FANCA: variants seen among roughly 807,000 people sequenced by gnomAD.
The protein encoded by FANCA is FA complementation group A, also known as Fanconi anemia group A protein.
Under a neutral mutation model 194.3 loss-of-function variants are expected in FANCA, and 236 were observed. The observed-to-expected ratio is 1.21, with a 90% CI of 1.09 to 1.35. The LOEUF is 1.35. FANCA is among the 40% of genes most tolerant of loss of function. The pLI is 0.00. For missense variants in FANCA, 2,628 were observed against 1,813.9 expected, an observed-to-expected ratio of 1.45 and a Z score of -8.15; for synonymous variants, 1,014 against 715.8, an observed-to-expected ratio of 1.42 and a Z score of -6.65.
intron 3 of FANCA, among the ~76,000 whole-genome samples, chr16:89,813,995 T>C (rs1344491714): frequency 3.3e-5 from 5 of 152,212 alleles, no homozygotes; most frequent in Non-Finnish European, 7.3e-5. Flanking sequence ...TGAAAATCTG[T>C]ATCATTTGCC....
intron 38 of FANCA, 116 bp downstream of exon 38, chr16:89,740,688 C>G (rs546411860): frequency 1.2e-6 from 1 of 824,342 alleles, no homozygotes; most frequent in Non-Finnish European, 2.0e-6. Context: ...CACACTTCCG[C>G]AAACACAAGG....
rs373147908 is a variant in FANCA, at chr16:89,770,206, G to A, written c.2276C>T (p.Pro759Leu). The change falls in exon 25 of 43, where the codon CCT (proline) becomes CTT (leucine). Residue 759 changes from proline to leucine, a missense_variant. Pro to Leu is a moderately conservative substitution (Grantham distance 98). Coordinates refer to ENST00000389301, the MANE Select transcript of FANCA (RefSeq NM_000135.4). ...CTGGCAGAGCCGGGTGAGCACTGCAGGGAGCACACGTCCACACATGGTCCT... is the reference window on the plus strand; with the variant it reads ...CTGGCAGAGCCGGGTGAGCACTGCAAGGAGCACACGTCCACACATGGTCCT... ...FVRTMCGRVL[P>L]AVLTRLCQLL... 22 of 1,594,102 alleles carry A rather than the reference G, an allele frequency of 1.4e-5. No individual in the cohort carries two copies. The African/African-American group carries it at 1.7e-4, about 13-fold the overall frequency.
chr16:89,790,324 G>A (rs531160282), intron 14 of FANCA, among the ~76,000 whole-genome samples: 5 of 152,056 alleles, frequency 3.3e-5, no homozygotes, highest in Non-Finnish European at 7.4e-5. Context: ...AACCCAGGAG[G>A]AGGAGGTTGC....
In FANCA at chr16:89,792,500, G is replaced by A; in HGVS notation, c.1054C>T (p.His352Tyr). ...MQREWSFART[H>Y]PLLTSLYRRL... Reference sequence around the variant, plus strand: ...CGGTACAGTGAGGTGAGCAGAGGGTGTGTCCGCGCAAAGCTCCACTCTCTC... The same window carrying A: ...CGGTACAGTGAGGTGAGCAGAGGGTATGTCCGCGCAAAGCTCCACTCTCTC... The change falls in exon 12 of 43, where the codon CAC becomes TAC. Residue 352 changes from histidine (H) to tyrosine (Y), a missense_variant. By Grantham distance (83) the His-to-Tyr change is moderately conservative. Transcript: ENST00000389301. 11 of 1,613,514 alleles carry A rather than the reference G, an allele frequency of 6.8e-6. No individual in the cohort carries two copies. Among genetic ancestry groups the A allele is most frequent in the Non-Finnish European group, 9.3e-6 (11 of 1,180,020 alleles).
Position 89,779,884 on chromosome 16 carries a change from G to A in FANCA, c.1700C>T (p.Thr567Ile), listed in dbSNP as rs775083851. ...VFEHTGNIPV[T>I]VMEASIFRRP... ...CCCAGCCTACCTGGCCTCCATGACG[G>A]TGACTGGGATGTTCCCCGTATGCTC... The change falls in exon 18 of 43, where the codon ACC becomes ATC. Residue 567 changes from threonine (T) to isoleucine (I), a missense_variant. Thr to Ile is a moderately conservative substitution (Grantham distance 89). Transcript: ENST00000389301. The A allele has an allele frequency of 1.2e-6, 2 of 1,613,726 alleles. No individual in the cohort carries two copies. The highest frequency in any genetic ancestry group is 2.7e-5 in the African/African-American group (2 of 74,928).
intron 27 of FANCA, among the ~76,000 whole-genome samples, chr16:89,765,978 G>A (rs932021148): frequency 2.0e-5 from 3 of 151,988 alleles, no homozygotes; most frequent in African/African-American, 7.3e-5. Context: ...GAAGCCTGAA[G>A]TTGAAAACCA....
Position 89,749,853 on chromosome 16 carries a change from C to A in FANCA, c.3116G>T (p.Gly1039Val), listed in dbSNP as rs1292002479. The change falls in exon 32 of 43, where the codon GGC becomes GTC. Residue 1039 changes from glycine to valine, a missense_variant. Gly to Val is a moderately radical substitution (Grantham distance 109). Coordinates refer to ENST00000389301, the MANE Select transcript of FANCA (RefSeq NM_000135.4). The stretch of plus-strand genomic sequence containing the variant: ...GAAGTGCTCCTGGGAAGGGGTGTGG[C>A]CGAGAGGCACTATGAGGTCTTGCTG... ...ELQQDLIVPLGHTPSQEHFLF... is the reference protein window; with the variant it reads ...ELQQDLIVPLVHTPSQEHFLF... 13 of 1,614,070 alleles carry A rather than the reference C, an allele frequency of 8.1e-6. No homozygotes were observed. The highest frequency in any genetic ancestry group is 1.1e-5 in the Non-Finnish European group (13 of 1,180,032).
At chr16:89,781,232 C>T (rs1241964788) in intron 17 of FANCA, among the ~76,000 whole-genome samples, 7 of 149,848 alleles carry the variant, frequency 4.7e-5, no homozygotes, top group African/African-American at 9.9e-5. Context: ...GACGTGGTGG[C>T]GGGTGCCTGT....
At chr16:89,758,201 C>A (rs192748729) in intron 30 of FANCA, among the ~76,000 whole-genome samples, 99 of 152,242 alleles carry the variant, frequency 6.5e-4, no homozygotes, top group Non-Finnish European at 1.2e-3. Flanking sequence ...AAGAAACAAC[C>A]GATGCAGGAA....
At chr16:89,786,043 G>A (rs2039886698) in intron 14 of FANCA, among the ~76,000 whole-genome samples, 1 of 140,978 alleles carries the variant, frequency 7.1e-6, no homozygotes. Context: ...TTGAGAGAGA[G>A]AGTCTCACTC....
At position 89,738,189 on chromosome 16, in the gene FANCA, G is replaced by C. The variant is rs201151160; in HGVS notation, c.*412C>G. 9 of 1,611,440 alleles carry C rather than the reference G, an allele frequency of 5.6e-6. No homozygotes were observed. The highest frequency in any genetic ancestry group is 7.6e-6 in the Non-Finnish European group (9 of 1,179,280). On this transcript the variant is annotated 3_prime_UTR_variant, in exon 43 of 43. Transcript: ENST00000389301. ...CCCTGGAGGCGGAACCACCACCTGG[G>C]CCACCGAGCCCCTCTGTGACCACAG...
chr16:89,799,619 T>G lies in FANCA; in HGVS notation c.812A>C (p.Gln271Pro), dbSNP rs762721928. The change falls in exon 9 of 43, where the codon CAG becomes CCG. Residue 271 changes from glutamine (Q) to proline (P), a missense_variant. Coordinates refer to ENST00000389301, the MANE Select transcript of FANCA (RefSeq NM_000135.4). The stretch of plus-strand genomic sequence containing the variant: ...AATTAACTTACAAATCAGCATTCTC[T>G]GCAGTACATCAACCGTGACCTGTCA... Reference protein sequence around the residue: ...KMPQVTVDVLQRMLIFALDAL... With the variant: ...KMPQVTVDVLPRMLIFALDAL... 77 of 1,613,592 alleles carry G rather than the reference T, an allele frequency of 4.8e-5. No homozygotes were observed. Among genetic ancestry groups the G allele is most frequent in the Non-Finnish European group, 6.4e-5 (76 of 1,179,614 alleles).
intron 30 of FANCA, 133 bp from the exon 31 acceptor site, chr16:89,752,355 T>G: frequency 1.3e-6 from 1 of 792,472 alleles, no homozygotes; most frequent in Non-Finnish European, 2.2e-6. Flanking sequence ...TAGTCAACAA[T>G]AAACAACAAA....
chr16:89,777,549 C>G (rs1239611101), intron 20 of FANCA, among the ~76,000 whole-genome samples: 1 of 151,034 alleles, frequency 6.6e-6, no homozygotes, highest in Non-Finnish European at 1.5e-5. Flanking sequence ...CATAGTGAAA[C>G]CCTGTCTCTA....
intron 7 of FANCA, 140 bp from the exon 8 acceptor site, chr16:89,803,481 T>G: frequency 1.3e-6 from 1 of 752,218 alleles, no homozygotes; most frequent in Non-Finnish European, 2.3e-6. Flanking sequence ...GCTCCTAACC[T>G]GAGGAACGCT....
chr16:89,740,071 T>G lies in FANCA; in HGVS notation c.3857A>C (p.His1286Pro), dbSNP rs138620653. 11 of 1,614,006 alleles carry G rather than the reference T, an allele frequency of 6.8e-6. No individual in the cohort carries two copies. Among genetic ancestry groups the G allele is most frequent in the African/African-American group, 2.7e-5 (2 of 74,902 alleles). Residue 1286 changes from histidine to proline, a missense_variant, in exon 39 of 43, where the codon CAC becomes CCC. His to Pro is a moderately conservative substitution (Grantham distance 77). Transcript: ENST00000389301. ...NSTTDLPKAF[H>P]VCAAILECLE... ...ACACTCGAGGATTGCTGCACAAACGTGGAAAGCCTTTGGCAGGTCTGTGGT... is the reference window on the plus strand; with the variant it reads ...ACACTCGAGGATTGCTGCACAAACGGGGAAAGCCTTTGGCAGGTCTGTGGT...
rs374793201 is a variant in FANCA at position 89,738,876 on chromosome 16, C to A, written c.4260+6G>T. On this transcript the variant is annotated splice_donor_region_variant and intron_variant, in intron 42 of 42. Coordinates refer to ENST00000389301, the MANE Select transcript of FANCA (RefSeq NM_000135.4). ...ACATGGCCCAAGGTGGGCATCTTGA[C>A]GTTACCTCTGCCACGTGTGAGAAGC... is the stretch of plus-strand genomic sequence containing the variant. 1.3e-5 allele frequency: 21 copies of A among 1,614,126 alleles called. No individual in the cohort carries two copies. The highest frequency in any genetic ancestry group is 1.6e-4 in the Middle Eastern group (1 of 6,084).
At chr16:89,776,159 CTTTTT>C (rs3069458) in intron 20 of FANCA, among the ~76,000 whole-genome samples, 44 of 93,310 alleles carry the variant, frequency 4.7e-4, no homozygotes, top group African/African-American at 8.2e-4. Flanking sequence ...CTTTGTTTTT[CTTTTT>C]TTTTTTTTTT....
In FANCA at chr16:89,738,460, T is replaced by C; in HGVS notation, c.*141A>G. The C allele has an allele frequency of 7.0e-7, 1 of 1,436,202 alleles. No individual in the cohort carries two copies. Among genetic ancestry groups the C allele is most frequent in the Non-Finnish European group, 9.6e-7 (1 of 1,046,166 alleles). 89.0% of individuals were successfully genotyped at this position (1,436,202 alleles called of 1,614,324 possible). The stretch of plus-strand genomic sequence containing the variant: ...CGCTGAGTGACTCGGGGCCGGACAG[T>C]TCATAAATAATTGATTCCTTTCCCC... On this transcript the variant is annotated 3_prime_UTR_variant, in exon 43 of 43. Transcript: ENST00000389301.
Sources: gnomAD v4.1 joint callset for allele counts (sites outside exome capture counted in the v4.1 genomes callset) on GRCh38, gnomAD v4.1.1 for gene constraint, MANE v1.5 for transcripts, NCBI Gene and HGNC (gene_info 2026-07-23, HGNC 2026-07-21) for gene names.